Variants in DNMT1 observed in about 807,000 individuals in gnomAD.
DNMT1 encodes DNA (cytosine-5)-methyltransferase 1.
Under a neutral mutation model 205.3 loss-of-function variants are expected in DNMT1, and 24 were observed. The ratio of observed to expected loss-of-function variants is 0.12; its 90% CI spans 0.08 to 0.16. DNMT1 has a LOEUF of 0.16. Among genes scored for constraint, DNMT1 ranks in the 10% least tolerant of loss-of-function variants. DNMT1 has a pLI of 1.00. For synonymous variants in DNMT1, 817 were observed against 839.8 expected (o/e 0.97, Z 0.47); for missense variants, 1,293 against 2,177.7 (o/e 0.59, Z 8.09).
Position 10,140,005 on chromosome 19 carries a change from C to A in DNMT1, c.3806+41G>T, listed in dbSNP as rs1169629216. 6.2e-7 allele frequency: 1 copy of A among 1,602,558 alleles called. No homozygotes were observed. Among genetic ancestry groups the A allele is most frequent in the Non-Finnish European group, 8.5e-7 (1 of 1,179,968 alleles). On this transcript the variant is annotated intron_variant, in intron 33 of 40. Transcript: ENST00000359526. This position sits in a 1 kb window ranked among gnomAD's most constrained non-coding sequence, Gnocchi z 8.4. ...ACCACTGCTGACATGCGGCACAGCC[C>A]CGGGCCGTCTGGCAACACTGGGGGG...
At position 10,192,903 on chromosome 19, in the gene DNMT1, C is replaced by G. The variant is rs928956603; in HGVS notation, c.80+1917G>C. On this transcript the variant is annotated intron_variant, in intron 1 of 40. Transcript: ENST00000359526. ...CTCCACTGAAAACACAAAAATTAGC[C>G]AGGCGTGGTGGTGTGCACCTGTAAT... Among the ~76,000 whole-genome samples, 6 of 151,944 alleles carry G rather than the reference C, an allele frequency of 3.9e-5. No homozygotes were observed. The South Asian group carries it at 1.0e-3, about 26-fold the overall frequency.
At chr19:10,186,838 C>CAAAA (rs35238334) in intron 1 of DNMT1, among the ~76,000 whole-genome samples, 39 of 70,686 alleles carry the variant, frequency 5.5e-4, no homozygotes, top group African/African-American at 1.9e-3. Context: ...AACTCCGTCT[C>CAAAA]AAAAAAAAAA....
chr19:10,170,499 C>T lies in DNMT1; in HGVS notation c.769-2135G>A, dbSNP rs554104804. Among the ~76,000 whole-genome samples, 6 of 152,092 alleles carry T rather than the reference C, an allele frequency of 3.9e-5. No individual in the cohort carries two copies. The East Asian group carries it at 7.7e-4, about 20-fold the overall frequency. The stretch of plus-strand genomic sequence containing the variant: ...ACTAAAAGTACAAAAAGTTAATTAG[C>T]TGGGCGTGGTAGCGGAAGCCTGTAA... On this transcript the variant is annotated intron_variant, in intron 9 of 40. Transcript: ENST00000359526.
intron 1 of DNMT1, among the ~76,000 whole-genome samples, chr19:10,191,300 T>C (rs1379882839): frequency 1.4e-5 from 2 of 147,182 alleles, no homozygotes; most frequent in Non-Finnish European, 3.0e-5. Flanking sequence ...AAAAAAAAAA[T>C]CTAAGTTTCA....
intron 13 of DNMT1, among the ~76,000 whole-genome samples, chr19:10,161,055 C>A (rs1012134522): frequency 6.6e-6 from 1 of 151,904 alleles, no homozygotes; most frequent in African/African-American, 2.4e-5. Context: ...GCCTGTAATC[C>A]CAGCACTTTG....
At chr19:10,152,965 C>T (rs2038381364) in intron 22 of DNMT1, among the ~76,000 whole-genome samples, 1 of 150,190 alleles carries the variant, frequency 6.7e-6, no homozygotes, top group Non-Finnish European at 1.5e-5. Context: ...CAATATTCAA[C>T]CTCATTAGAA....
intron 2 of DNMT1, among the ~76,000 whole-genome samples, chr19:10,181,144 C>T (rs1275928828): frequency 6.6e-6 from 1 of 152,138 alleles, no homozygotes; most frequent in African/African-American, 2.4e-5. Flanking sequence ...AAGAATAATA[C>T]TGTGCTTCTG....
intron 27 of DNMT1, among the ~76,000 whole-genome samples, chr19:10,147,930 A>T (rs1265866307): frequency 6.6e-6 from 1 of 151,604 alleles, no homozygotes; most frequent in Non-Finnish European, 1.5e-5. Flanking sequence ...CCTGACCAAC[A>T]TGGAGAAACC....
rs1369475967 is a variant in DNMT1 at position 10,138,463 on chromosome 19, T to C, written c.4091A>G (p.Lys1364Arg). ...CCTGGTTATGTTGCTCACAAACTTCTTGTCATCCACCACCACGCTCAGCTG... is the reference window on the plus strand; with the variant it reads ...CCTGGTTATGTTGCTCACAAACTTCCTGTCATCCACCACCACGCTCAGCTG... ...ACQLSVVVDD[K>R]KFVSNITRLS... is the part of the protein sequence containing the mutation. Residue 1364 changes from lysine to arginine, a missense_variant, in exon 35 of 41, where the codon AAG becomes AGG. Lys to Arg is a conservative substitution (Grantham distance 26). Transcript: ENST00000359526. The surrounding 1 kb of genome is among the most constrained non-coding windows in gnomAD (Gnocchi z 4.1). 1 of 1,613,988 alleles carries C rather than the reference T, an allele frequency of 6.2e-7. No individual in the cohort carries two copies. Among genetic ancestry groups the C allele is most frequent in the Non-Finnish European group, 8.5e-7 (1 of 1,180,044 alleles).
At chr19:10,150,011 T>G (rs751098197) in intron 24 of DNMT1, 43 bp from the exon 25 acceptor site, 5 of 1,570,562 alleles carry the variant, frequency 3.2e-6, no homozygotes, top group Non-Finnish European at 4.4e-6. Context: ...ATTCTGAGGG[T>G]CTTTGCTGGC....
In DNMT1 at chr19:10,169,784, C is replaced by T. The variant is rs758416308; in HGVS notation, c.769-1420G>A. 3.9e-5 allele frequency among the ~76,000 whole-genome samples: 6 copies of T among 151,970 alleles called. No individual in the cohort carries two copies. The East Asian group carries it at 7.8e-4, about 20-fold the overall frequency. ...CCGTCTCAAATAAAAATAAAAAAAACGCTTAGCAAATCTTCCTACTACAAG... is the reference window on the plus strand; with the variant it reads ...CCGTCTCAAATAAAAATAAAAAAAATGCTTAGCAAATCTTCCTACTACAAG... On this transcript the variant is annotated intron_variant, in intron 9 of 40. Coordinates refer to ENST00000359526, the MANE Select transcript of DNMT1 (RefSeq NM_001130823.3).
rs1207106876 is a variant in DNMT1, at chr19:10,146,398, G to A, written c.2847C>T (p.Tyr949=). 1.9e-6 allele frequency: 3 copies of A among 1,613,936 alleles called. No individual in the cohort carries two copies. In the African/African-American group the frequency reaches 4.0e-5, roughly 22 times the overall value. Residue 949 remains tyrosine, a synonymous_variant, in exon 28 of 41, where the codon TAC becomes TAT. Coordinates refer to ENST00000359526, the MANE Select transcript of DNMT1 (RefSeq NM_001130823.3). This position sits in a 1 kb window ranked among gnomAD's most constrained non-coding sequence, Gnocchi z 4.4. ...YYSATKNGIL[Y]RVGDGVYLPP... is the part of the protein sequence containing the mutation. ...GCAGGTACACACCATCACCAACTCG[G>A]TACAGGATGCCGTTCTTGGTGGCTG...
At position 10,159,579 on chromosome 19, in the gene DNMT1, C is replaced by T; in HGVS notation, c.1280+79G>A. On this transcript the variant is annotated intron_variant, in intron 17 of 40. Coordinates refer to ENST00000359526, the MANE Select transcript of DNMT1 (RefSeq NM_001130823.3). The surrounding 1 kb of genome is among the most constrained non-coding windows in gnomAD (Gnocchi z 5.0). ...GCAGGTCAGGCACTAAAAAACATCA[C>T]CAGAATCGTGAGCCCGCAGGCACCT... 3.5e-6 allele frequency: 5 copies of T among 1,425,364 alleles called. No individual in the cohort carries two copies. The highest frequency in any genetic ancestry group is 4.9e-6 in the Non-Finnish European group (5 of 1,017,044). 88.3% of individuals were successfully genotyped at this position (1,425,364 alleles called of 1,614,324 possible).
At chr19:10,194,573 C>A (rs2039367055) in intron 1 of DNMT1, 2 of 479,282 alleles carry the variant, frequency 4.2e-6, no homozygotes, top group Non-Finnish European at 7.4e-6. Context: ...AGAACCCCCA[C>A]CCCGCCTAGT....
intron 19 of DNMT1, among the ~76,000 whole-genome samples, chr19:10,155,438 C>T (rs1262221208): frequency 1.3e-5 from 2 of 151,886 alleles, no homozygotes; most frequent in Admixed American, 1.3e-4. Context: ...GCTGGGTTCA[C>T]GTGATTCTCC....
At chr19:10,136,839 G>T (rs757009488) in intron 37 of DNMT1, among the ~76,000 whole-genome samples, 1 of 151,584 alleles carries the variant, frequency 6.6e-6, no homozygotes, top group Non-Finnish European at 1.5e-5. Flanking sequence ...GCTCACTGTA[G>T]CCTCCTCAAC....
At chr19:10,183,514 G>A (rs562727559) in intron 1 of DNMT1, among the ~76,000 whole-genome samples, 4 of 152,248 alleles carry the variant, frequency 2.6e-5, no homozygotes, top group South Asian at 2.1e-4. Flanking sequence ...GAGCCCAGGC[G>A]TTCAGACCAG....
At chr19:10,162,941 T>C in intron 12 of DNMT1, 193 bp from the exon 13 acceptor site, 1 of 536,792 alleles carries the variant, frequency 1.9e-6, no homozygotes. Flanking sequence ...CACATCTACA[T>C]CACCACAGGT....
intron 26 of DNMT1, 101 bp downstream of exon 26, chr19:10,149,352 A>C: frequency 3.5e-6 from 5 of 1,439,620 alleles, no homozygotes; most frequent in Non-Finnish European, 4.8e-6. Flanking sequence ...CAAAAAAAAA[A>C]CCAAATTAAA....
Sources: allele counts gnomAD v4.1 joint callset (sites outside exome capture counted in the v4.1 genomes callset), GRCh38; gene constraint gnomAD v4.1.1; non-coding constraint Gnocchi (gnomAD v3.1); transcripts MANE v1.5; gene names NCBI Gene and HGNC (gene_info 2026-07-23, HGNC 2026-07-21).